Variants in ZBTB7C observed in about 807,000 individuals in gnomAD.
ZBTB7C encodes the protein zinc finger and BTB domain containing 7C.
In ZBTB7C, 8 loss-of-function variants were observed where a neutral mutation model predicts 25.7. The observed-to-expected ratio is 0.31, with a 90% CI of 0.18 to 0.56. The LOEUF (loss-of-function observed/expected upper bound fraction) is 0.56. Ranked by LOEUF, ZBTB7C falls within the 20% of genes least tolerant of loss-of-function variation. ZBTB7C has a pLI of 0.91. For synonymous variants in ZBTB7C, 394 were observed against 369.0 expected (o/e 1.07, Z -0.78); for missense variants, 824 against 855.2 (o/e 0.96, Z 0.46).
chr18:48,198,406 A>G (rs1249649996), intron 2 of ZBTB7C, among the ~76,000 whole-genome samples: 4 of 152,210 alleles, frequency 2.6e-5, no homozygotes, highest in Non-Finnish European at 5.9e-5. Context: ...AAGACAACAC[A>G]GATTTCTTAT....
chr18:48,137,470 G>C, intron 3 of ZBTB7C: 1 of 246,670 alleles, frequency 4.1e-6, no homozygotes, highest in Non-Finnish European at 6.5e-6. Context: ...TTATCTCAAA[G>C]CAAGGGAGGC....
At chr18:48,156,677 T>C (rs8091684) in intron 3 of ZBTB7C, among the ~76,000 whole-genome samples, 4,501 of 152,314 alleles carry the variant, frequency 0.03, 136 homozygotes, top group African/African-American at 0.074. Flanking sequence ...GGAAGCCTCA[T>C]GGCACTTCCT....
chr18:48,127,668 C>T (rs891362945), intron 3 of ZBTB7C, among the ~76,000 whole-genome samples: 3 of 152,228 alleles, frequency 2.0e-5, no homozygotes, highest in Admixed American at 2.0e-4. Flanking sequence ...CTCACTCGAC[C>T]TTTCATCCCA....
chr18:48,124,373 C>T (rs77920024), intron 3 of ZBTB7C, among the ~76,000 whole-genome samples: 4,315 of 152,314 alleles, frequency 0.028, 90 homozygotes, highest in Non-Finnish European at 0.04. Flanking sequence ...GCACCACAGT[C>T]CTTAGAGCCA....
intron 3 of ZBTB7C, among the ~76,000 whole-genome samples, chr18:48,065,895 A>G (rs2037310722): frequency 6.6e-6 from 1 of 152,062 alleles, no homozygotes; most frequent in South Asian, 2.1e-4. Flanking sequence ...TCATCTTCCA[A>G]TACACCCCCA....
intron 2 of ZBTB7C, among the ~76,000 whole-genome samples, chr18:48,269,738 C>A (rs1477420024): frequency 6.6e-6 from 1 of 152,190 alleles, no homozygotes; most frequent in African/African-American, 2.4e-5. Flanking sequence ...CTCCTGGGAG[C>A]TGAGGGGAGG....
chr18:48,043,445 A>C (rs1407180964), intron 3 of ZBTB7C, among the ~76,000 whole-genome samples: 3 of 152,202 alleles, frequency 2.0e-5, no homozygotes, highest in Non-Finnish European at 4.4e-5. Flanking sequence ...GCCTTGATGA[A>C]TCTCCAGGGA....
chr18:48,206,391 A>C lies in ZBTB7C; in HGVS notation c.-78-20396T>G, dbSNP rs2042576925. Among the ~76,000 whole-genome samples the C allele has an allele frequency of 1.3e-5, 2 of 152,234 alleles. 1 individual carries two copies. Among genetic ancestry groups the C allele is most frequent in the South Asian group, 4.1e-4 (2 of 4,830 alleles). Reference sequence around the variant, plus strand: ...TGAGTCAACTGGATAGCTATATTAAAATAAATGTTTCGCAGCACTTTGGGA... The same window carrying C: ...TGAGTCAACTGGATAGCTATATTAACATAAATGTTTCGCAGCACTTTGGGA... On this transcript the variant is annotated intron_variant, in intron 2 of 4. Transcript: ENST00000590800.
chr18:48,381,573 G>A (rs4258691), intron 1 of ZBTB7C, among the ~76,000 whole-genome samples: 80,252 of 152,124 alleles, frequency 0.53, 22,669 homozygotes, highest in East Asian at 0.76. Flanking sequence ...TCACAACAAC[G>A]TAACTACTCA....
chr18:48,065,489 A>C (rs1312604686), intron 3 of ZBTB7C, among the ~76,000 whole-genome samples: 1 of 152,230 alleles, frequency 6.6e-6, no homozygotes, highest in Non-Finnish European at 1.5e-5. Flanking sequence ...TGTGACAAGC[A>C]CACCTTCAGG....
rs373134502 is a variant in ZBTB7C, at chr18:48,306,494, T to C, written c.-79+31680A>G. The stretch of plus-strand genomic sequence containing the variant: ...CGCTAGTCTCCAAAACTTTTTGTAT[T>C]TCCAGTTAGCACAGTGAGAAATATT... On this transcript the variant is annotated intron_variant, in intron 2 of 4. Coordinates refer to ENST00000590800, the MANE Select transcript of ZBTB7C (RefSeq NM_001318841.2). Among the ~76,000 whole-genome samples, 9 of 152,354 alleles carry C rather than the reference T, an allele frequency of 5.9e-5. No homozygotes were observed. In the East Asian group the frequency reaches 9.6e-4, roughly 16 times the overall value.
intron 1 of ZBTB7C, among the ~76,000 whole-genome samples, chr18:48,365,332 A>C (rs957713172): frequency 6.6e-6 from 1 of 152,234 alleles, no homozygotes; most frequent in African/African-American, 2.4e-5. Context: ...ATCCTGGGGA[A>C]CATACCTTTG....
chr18:48,346,355 T>C (rs1023839221), intron 1 of ZBTB7C, among the ~76,000 whole-genome samples: 2 of 152,220 alleles, frequency 1.3e-5, no homozygotes, highest in African/African-American at 4.8e-5. Context: ...TATCCACCCC[T>C]TCCTCATAGT....
intron 3 of ZBTB7C, among the ~76,000 whole-genome samples, chr18:48,074,608 A>G (rs1396078914): frequency 6.6e-6 from 1 of 152,194 alleles, no homozygotes; most frequent in African/African-American, 2.4e-5. Context: ...TTGTATGGAG[A>G]GGAAGGCTTT....
intron 1 of ZBTB7C, among the ~76,000 whole-genome samples, chr18:48,389,461 ATT>A (rs138527928): frequency 0.061 from 5,943 of 97,570 alleles, 170 homozygotes; most frequent in Non-Finnish European, 0.08. Context: ...TGACTCTTGG[ATT>A]TTTTTTTTTT....
intron 3 of ZBTB7C, among the ~76,000 whole-genome samples, chr18:48,129,026 G>A (rs1231145603): frequency 1.3e-5 from 2 of 152,072 alleles, no homozygotes; most frequent in African/African-American, 4.8e-5. Flanking sequence ...TCATCAGAAC[G>A]AGGGGATGAG....
At chr18:48,220,427 G>T (rs2042922295) in intron 2 of ZBTB7C, among the ~76,000 whole-genome samples, 1 of 152,188 alleles carries the variant, frequency 6.6e-6, no homozygotes, top group South Asian at 2.1e-4. Flanking sequence ...TGCCAGGGGA[G>T]TAAGGCTGCC....
rs377529463 is a variant in ZBTB7C, at chr18:48,084,528, C to T, written c.-16-43405G>A. 5.9e-5 allele frequency among the ~76,000 whole-genome samples: 9 copies of T among 152,314 alleles called. No individual in the cohort carries two copies. In the East Asian group the frequency reaches 1.5e-3, roughly 26 times the overall value. On this transcript the variant is annotated intron_variant, in intron 3 of 4. Transcript: ENST00000590800. The stretch of plus-strand genomic sequence containing the variant: ...TGGGCATGTCTGCACTTTTCTGGGG[C>T]ATCCAGCATGAACCTGGACCCACAG...
At chr18:48,192,450 A>C (rs1016808683) in intron 2 of ZBTB7C, among the ~76,000 whole-genome samples, 4 of 152,176 alleles carry the variant, frequency 2.6e-5, no homozygotes, top group African/African-American at 9.7e-5. Context: ...CTCCAGTGTA[A>C]ACGGTTGATG....
Sources: gnomAD v4.1 joint callset for allele counts (sites outside exome capture counted in the v4.1 genomes callset) on GRCh38, gnomAD v4.1.1 for gene constraint, MANE v1.5 for transcripts, NCBI Gene and HGNC (gene_info 2026-07-23, HGNC 2026-07-21) for gene names.